DPP6: variants seen among roughly 807,000 people sequenced by gnomAD.
The protein encoded by DPP6 is A-type potassium channel modulatory protein DPP6.
DPP6 carries 69 observed loss-of-function variants against 122.6 expected under a neutral mutation model. That is an observed-to-expected ratio of 0.56 (90% CI 0.46 to 0.69). DPP6 has a LOEUF of 0.69. Ranked by LOEUF, DPP6 falls within the 30% of genes least tolerant of loss-of-function variation. DPP6 has a pLI of 0.00. For missense variants in DPP6, 928 were observed against 1,116.9 expected, an observed-to-expected ratio of 0.83 and a Z score of 2.41; for synonymous variants, 418 against 433.1, an observed-to-expected ratio of 0.97 and a Z score of 0.43.
At chr7:153,781,088 T>C in the DPP6 span, among the ~76,000 whole-genome samples, 82 of 152,302 alleles carry the variant, frequency 5.4e-4, no homozygotes, top group Non-Finnish European at 1.0e-3. Context: ...TTTAGTCACT[T>C]AGGTGTATTC....
chr7:154,505,719 C>G (rs1490553123), intron 3 of DPP6, among the ~76,000 whole-genome samples: 1 of 152,178 alleles, frequency 6.6e-6, no homozygotes, highest in African/African-American at 2.4e-5. Context: ...TTTCTCATCA[C>G]ATATCTAAGG....
At chr7:153,920,054 T>C (rs974669853) in intron 1 of DPP6, among the ~76,000 whole-genome samples, 2 of 152,204 alleles carry the variant, frequency 1.3e-5, no homozygotes, top group Non-Finnish European at 2.9e-5. Flanking sequence ...GTAGTAATGA[T>C]TCAAATGTAC....
chr7:154,163,539 A>G (rs1308036482), intron 1 of DPP6, among the ~76,000 whole-genome samples: 1 of 152,198 alleles, frequency 6.6e-6, no homozygotes, highest in Non-Finnish European at 1.5e-5. Context: ...AAATTTTTTC[A>G]AAACTAATTT....
chr7:154,616,622 T>C (rs570186727), intron 5 of DPP6, among the ~76,000 whole-genome samples: 23 of 152,262 alleles, frequency 1.5e-4, no homozygotes, highest in Admixed American at 1.4e-3. Flanking sequence ...CACCAGAGAA[T>C]CATTTCCTCT....
In DPP6 at chr7:154,460,357, C is replaced by T. The variant is rs1326602825; in HGVS notation, c.358+14029C>T. 3.9e-5 allele frequency among the ~76,000 whole-genome samples: 6 copies of T among 152,144 alleles called. No homozygotes were observed. The East Asian group carries it at 1.2e-3, about 29-fold the overall frequency. On this transcript the variant is annotated intron_variant, in intron 2 of 25. Coordinates refer to ENST00000377770, the MANE Select transcript of DPP6 (RefSeq NM_130797.4). ...ACCGACTACGAAGGTCAAAATTTAG[C>T]TGCTTTACATTTTCTCCCACTTCCG...
intron 5 of DPP6, among the ~76,000 whole-genome samples, chr7:154,574,397 G>A (rs1252671690): frequency 1.5e-5 from 2 of 131,046 alleles, no homozygotes; most frequent in African/African-American, 2.9e-5. Flanking sequence ...GTGTATGTGT[G>A]TGGTGTGTGT....
intron 16 of DPP6, among the ~76,000 whole-genome samples, chr7:154,816,486 C>T (rs950696662): frequency 1.3e-5 from 2 of 151,968 alleles, no homozygotes; most frequent in Admixed American, 6.6e-5. Context: ...GGAACATGTC[C>T]CTGGTGGATA....
chr7:153,759,690 T>C, the DPP6 span, among the ~76,000 whole-genome samples: 3 of 152,062 alleles, frequency 2.0e-5, no homozygotes, highest in African/African-American at 7.2e-5. Flanking sequence ...AAAAGAACTT[T>C]GATATATCCT....
rs541968723 is a variant in DPP6 at position 154,073,999 on chromosome 7, C to CTATGTATG, written c.243+20971_243+20978dup. On this transcript the variant is annotated intron_variant, in intron 1 of 25. Transcript: ENST00000377770. ...GAAACTCTGTCTCTAAAATATATATCTATGTATGTATGTATGTATGTATGT... is the reference window on the plus strand; with the variant it reads ...GAAACTCTGTCTCTAAAATATATATCTATGTATGTATGTATGTATGTATGTATGTATGT... 5.0e-3 allele frequency among the ~76,000 whole-genome samples: 743 copies of CTATGTATG among 148,862 alleles called. 1 individual carries two copies. Among genetic ancestry groups the CTATGTATG allele is most frequent in the Middle Eastern group, 0.021 (6 of 290 alleles).
chr7:153,760,182 C>G, the DPP6 span, among the ~76,000 whole-genome samples: 1 of 152,110 alleles, frequency 6.6e-6, no homozygotes, highest in East Asian at 1.9e-4. Flanking sequence ...TCTGCAATAA[C>G]TAGTTTGTTG....
intron 14 of DPP6, among the ~76,000 whole-genome samples, chr7:154,804,502 G>A (rs1013352126): frequency 6.6e-6 from 1 of 152,180 alleles, no homozygotes; most frequent in African/African-American, 2.4e-5. Flanking sequence ...TGCATTGGGA[G>A]GTCTTAGGTG....
chr7:154,835,650 AAC>A (rs1021388705), intron 16 of DPP6, among the ~76,000 whole-genome samples: 3 of 152,188 alleles, frequency 2.0e-5, no homozygotes, highest in African/African-American at 7.2e-5. Context: ...TGGAGTCAGA[AAC>A]ACAGGGCTGG....
At chr7:154,396,874 G>A (rs1344279371) in intron 1 of DPP6, among the ~76,000 whole-genome samples, 1 of 152,206 alleles carries the variant, frequency 6.6e-6, no homozygotes, top group Non-Finnish European at 1.5e-5. Flanking sequence ...GAACCTAGGA[G>A]GCGGAGGTTG....
chr7:153,764,887 T>C, the DPP6 span, among the ~76,000 whole-genome samples: 1 of 152,178 alleles, frequency 6.6e-6, no homozygotes, highest in African/African-American at 2.4e-5. Flanking sequence ...CCTGAGATTT[T>C]TCCAGGTGGG....
chr7:153,841,684 AC>A, the DPP6 span, among the ~76,000 whole-genome samples: 1 of 152,224 alleles, frequency 6.6e-6, no homozygotes, highest in Non-Finnish European at 1.5e-5. Flanking sequence ...TCTTAAAGCA[AC>A]TAGAGTCAGC....
the DPP6 span, among the ~76,000 whole-genome samples, chr7:153,827,644 CG>C: frequency 6.6e-6 from 1 of 152,176 alleles, no homozygotes; most frequent in East Asian, 1.9e-4. Context: ...TCTAAGACAG[CG>C]GCCACTCTAG....
chr7:154,721,663 G>C (rs1841816833), intron 7 of DPP6, among the ~76,000 whole-genome samples: 1 of 152,284 alleles, frequency 6.6e-6, no homozygotes, highest in East Asian at 1.9e-4. Flanking sequence ...AGCTAGACCT[G>C]ATCATAATTA....
At chr7:153,800,253 A>G in the DPP6 span, among the ~76,000 whole-genome samples, 1 of 152,338 alleles carries the variant, frequency 6.6e-6, no homozygotes, top group South Asian at 2.1e-4. Flanking sequence ...AAAATAGAAT[A>G]AAATCCTGTC....
the DPP6 span, among the ~76,000 whole-genome samples, chr7:153,844,007 T>G: frequency 6.6e-6 from 1 of 152,106 alleles, no homozygotes; most frequent in Non-Finnish European, 1.5e-5. Context: ...GTTTATAGGC[T>G]CTCCACAAGG....
Sources: allele counts gnomAD v4.1 joint callset (sites outside exome capture counted in the v4.1 genomes callset), GRCh38; gene constraint gnomAD v4.1.1; transcripts MANE v1.5; gene names NCBI Gene and HGNC (gene_info 2026-07-23, HGNC 2026-07-21).